Variants in NPC1 observed in about 807,000 individuals in gnomAD.
NPC1 encodes Niemann-Pick C1 protein.
In NPC1, 85 loss-of-function variants were observed where a neutral mutation model predicts 140.4. The observed-to-expected ratio is 0.61, with a 90% CI of 0.51 to 0.72. The LOEUF (loss-of-function observed/expected upper bound fraction) is 0.72. Ranked by LOEUF, NPC1 falls within the 30% of genes least tolerant of loss-of-function variation. The pLI is 0.00. For synonymous variants in NPC1, 656 were observed against 624.8 expected, an observed-to-expected ratio of 1.05 and a Z score of -0.74; for missense variants, 1,504 against 1,623.8, an observed-to-expected ratio of 0.93 and a Z score of 1.27.
rs2058687030 is a variant in NPC1, at chr18:23,539,839, T to C, written c.2767A>G (p.Ile923Val). ...TTGTCCAGCTGCGCCGCGTTAAATA[T>C]CTGCTGCACCAGGGAATCATTGTTG... The part of the protein sequence containing the change: ...GCNNDSLVQQ[I>V]FNAAQLDNYT... Residue 923 changes from isoleucine to valine, a missense_variant, in exon 18 of 25, where the codon ATA becomes GTA. Physicochemically the swap from Ile to Val is conservative, Grantham distance 29 (BLOSUM62 3). Transcript: ENST00000269228. 2 of 1,614,208 alleles carry C rather than the reference T, an allele frequency of 1.2e-6. No individual in the cohort carries two copies. The highest frequency in any genetic ancestry group is 2.2e-5 in the East Asian group (1 of 44,878).
intron 4 of NPC1, among the ~76,000 whole-genome samples, chr18:23,564,912 G>A (rs940358086): frequency 1.3e-5 from 2 of 152,084 alleles, no homozygotes; most frequent in African/African-American, 2.4e-5. Flanking sequence ...TCCAGTTATT[G>A]CAGCACCATT....
chr18:23,555,258 C>T (rs1197164893), intron 8 of NPC1, among the ~76,000 whole-genome samples: 1 of 152,258 alleles, frequency 6.6e-6, no homozygotes, highest in South Asian at 2.1e-4. Context: ...GGACACACAA[C>T]CATCTCCCCT....
rs1160114136 is a variant in NPC1 at position 23,540,458 on chromosome 18, G to A, written c.2594C>T (p.Ser865Leu). The change falls in exon 17 of 25, where the codon TCG becomes TTG. Residue 865 changes from serine (S) to leucine (L), a missense_variant. Ser to Leu is a moderately radical substitution (Grantham distance 145). Coordinates refer to ENST00000269228, the MANE Select transcript of NPC1 (RefSeq NM_000271.5). ...AGGAAGTCATCTTACATCTGGCATCGAAAGAGACTGATCCAATCCAATATC... is the reference window on the plus strand; with the variant it reads ...AGGAAGTCATCTTACATCTGGCATCAAAAGAGACTGATCCAATCCAATATC... ...KVDIGLDQSL[S>L]MPDDSYMVDY... 6.9e-6 allele frequency: 11 copies of A among 1,594,316 alleles called. No homozygotes were observed. Among genetic ancestry groups the A allele is most frequent in the East Asian group, 2.2e-5 (1 of 44,748 alleles).
In NPC1 at chr18:23,533,586, C is replaced by T. The variant is rs537612874; in HGVS notation, c.3592-69G>A. On this transcript the variant is annotated intron_variant, in intron 23 of 24. Coordinates refer to ENST00000269228, the MANE Select transcript of NPC1 (RefSeq NM_000271.5). The stretch of plus-strand genomic sequence containing the variant: ...GTAATTGAACAAAAACACTTCCTTA[C>T]AAGGATTTCTCCCAGGTTCAAGTGA... 1.0e-5 allele frequency: 15 copies of T among 1,462,996 alleles called. No individual in the cohort carries two copies. In the East Asian group the frequency reaches 2.0e-4, roughly 20 times the overall value. The allele number at this position is 1,462,996 out of a possible 1,614,324, so 90.6% of individuals were successfully genotyped here. A position where few individuals can be genotyped will look rare whatever the true frequency, so the allele number is the denominator to read the frequency against.
In NPC1 at chr18:23,560,622, A is replaced by C. The variant is rs2059024629; in HGVS notation, c.632-142T>G. The C allele has an allele frequency of 4.1e-6, 4 of 966,256 alleles. No homozygotes were observed. In the South Asian group the frequency reaches 6.7e-5, roughly 16 times the overall value. The allele number at this position is 966,256 out of a possible 1,614,324, so 59.9% of individuals were successfully genotyped here. On this transcript the variant is annotated intron_variant, in intron 5 of 24. Transcript: ENST00000269228. The stretch of plus-strand genomic sequence containing the variant: ...AAGAATTGGAGGTTTTAGTTTAATT[A>C]AATTATGTTTTGCTGCTTCGTCCTA...
chr18:23,523,436 C>T (rs2058196881), intron 1 of NPC1, among the ~76,000 whole-genome samples: 1 of 147,872 alleles, frequency 6.8e-6, no homozygotes, highest in African/African-American at 2.5e-5. Flanking sequence ...AGTGGCTGGG[C>T]ACAGTGGCTC....
At chr18:23,576,508 G>A (rs984406107) in intron 1 of NPC1, 31 of 992,534 alleles carry the variant, frequency 3.1e-5, no homozygotes, top group Non-Finnish European at 3.4e-5. Context: ...CTAGGCTTAG[G>A]CACTATTTTA....
At chr18:23,514,647 T>G (rs1319272625) in intron 3 of NPC1, among the ~76,000 whole-genome samples, 1 of 152,128 alleles carries the variant, frequency 6.6e-6, no homozygotes, top group Non-Finnish European at 1.5e-5. Flanking sequence ...ATTTTGTACA[T>G]GTGATTGCAT....
In NPC1 at chr18:23,536,737, T is replaced by C. The variant is rs1567946801; in HGVS notation, c.3181A>G (p.Ile1061Val). 6.2e-7 allele frequency: 1 copy of C among 1,614,214 alleles called. No homozygotes were observed. The highest frequency in any genetic ancestry group is 8.5e-7 in the Non-Finnish European group (1 of 1,180,040). The change falls in exon 21 of 25, where the codon ATA becomes GTA. Residue 1061 changes from isoleucine to valine, a missense_variant. By Grantham distance (29) the Ile-to-Val change is conservative. Transcript: ENST00000269228. Reference protein sequence around the residue: ...FIDALKKARLIASNVTETMGI... With the variant: ...FIDALKKARLVASNVTETMGI... Reference sequence around the variant, plus strand: ...ATGGTTTCGGTGACATTACTGGCTATAAGTCGGGCTTTCTTCAGAGCGTCA... The same window carrying C: ...ATGGTTTCGGTGACATTACTGGCTACAAGTCGGGCTTTCTTCAGAGCGTCA...
At chr18:23,530,294 G>A, downstream of NPC1, 3 of 1,614,230 alleles carry the variant, frequency 1.9e-6, no homozygotes, top group Non-Finnish European at 2.5e-6. Context: ...TGGACATGCT[G>A]AAGGTAACTC....
At chr18:23,540,600 A>G in intron 16 of NPC1, 63 bp from the exon 17 acceptor site, 1 of 1,218,068 alleles carries the variant, frequency 8.2e-7, no homozygotes, top group Non-Finnish European at 1.2e-6. Context: ...GACCAGAAAT[A>G]AAATCTTAAG....
At chr18:23,554,412 C>T (rs2058919112) in intron 9 of NPC1, among the ~76,000 whole-genome samples, 1 of 152,152 alleles carries the variant, frequency 6.6e-6, no homozygotes, top group Non-Finnish European at 1.5e-5. Context: ...TTGAGACCAG[C>T]CTGGCCAACA....
chr18:23,585,643 GC>G (rs1021487552), intron 1 of NPC1, among the ~76,000 whole-genome samples: 1 of 152,144 alleles, frequency 6.6e-6, no homozygotes, highest in Admixed American at 6.6e-5. Flanking sequence ...CCAAGCAAAA[GC>G]CCCCAGAAGG....
At chr18:23,531,002 A>ATT (rs201056665), downstream of NPC1, among the ~76,000 whole-genome samples, 1 of 148,874 alleles carries the variant, frequency 6.7e-6, no homozygotes, top group Non-Finnish European at 1.5e-5. Flanking sequence ...GATCATTCTC[A>ATT]TTTTTTTTTT....
Position 23,531,733 on chromosome 18 carries a change from T to C in NPC1, c.*469A>G. 1 of 1,597,452 alleles carries C rather than the reference T, an allele frequency of 6.3e-7. No homozygotes were observed. Among genetic ancestry groups the C allele is most frequent in the East Asian group, 2.2e-5 (1 of 44,782 alleles). On this transcript the variant is annotated 3_prime_UTR_variant, in exon 25 of 25. Coordinates refer to ENST00000269228, the MANE Select transcript of NPC1 (RefSeq NM_000271.5). ...CACTTGCTGTTTTTTTATATAAAAA[T>C]GTGTACAAAGTTAATTTATTGCATT...
chr18:23,546,561 A>T (rs1191168380), intron 11 of NPC1, among the ~76,000 whole-genome samples: 2 of 152,212 alleles, frequency 1.3e-5, no homozygotes, highest in African/African-American at 4.8e-5. Context: ...AAGAACTTGT[A>T]CTCAAGTGTT....
At chr18:23,518,058 T>G (rs940153188), downstream of NPC1, among the ~76,000 whole-genome samples, 17 of 152,248 alleles carry the variant, frequency 1.1e-4, no homozygotes, top group African/African-American at 4.1e-4. Context: ...AGAGCAGTCC[T>G]GGCTGAAGTG....
chr18:23,511,555 T>C (rs948677951), intron 3 of NPC1, among the ~76,000 whole-genome samples: 9 of 152,154 alleles, frequency 5.9e-5, no homozygotes, highest in African/African-American at 2.2e-4. Flanking sequence ...TAAATAATTA[T>C]TATGAACAGT....
In NPC1 at chr18:23,531,741, A is replaced by AAGTT; in HGVS notation, c.*457_*460dup. 1 of 1,591,184 alleles carries AAGTT rather than the reference A, an allele frequency of 6.3e-7. No homozygotes were observed. Among genetic ancestry groups the AAGTT allele is most frequent in the South Asian group, 1.2e-5 (1 of 86,316 alleles). ...GTTTTTTTATATAAAAATGTGTACAAAGTTAATTTATTGCATTAATAAAGC... is the reference window on the plus strand; with the variant it reads ...GTTTTTTTATATAAAAATGTGTACAAAGTTAGTTAATTTATTGCATTAATAAAGC... On this transcript the variant is annotated 3_prime_UTR_variant, in exon 25 of 25. Transcript: ENST00000269228.
Sources: allele counts gnomAD v4.1 joint callset (sites outside exome capture counted in the v4.1 genomes callset), GRCh38; gene constraint gnomAD v4.1.1; transcripts MANE v1.5; gene names NCBI Gene and HGNC (gene_info 2026-07-23, HGNC 2026-07-21).